Variants in PCDHGA8 observed in about 807,000 individuals in gnomAD.
PCDHGA8 encodes the protein protocadherin gamma subfamily A, 8.
A neutral mutation model predicts 59.2 loss-of-function variants in PCDHGA8; 45 were observed. The ratio of observed to expected loss-of-function variants is 0.76; its 90% confidence interval spans 0.60 to 0.98. PCDHGA8 has a LOEUF of 0.98. Among genes scored for constraint, PCDHGA8 ranks in the 50% least tolerant of loss-of-function variants. PCDHGA8 has a pLI of 0.00. For missense variants in PCDHGA8, 1,257 were observed against 1,196.2 expected (o/e 1.05, Z -0.75); for synonymous variants, 531 against 519.0 (o/e 1.02, Z -0.32).
chr5:141,432,281 A>C lies in PCDHGA8; in HGVS notation c.2424+37044A>C, dbSNP rs1313887209. 1 of 1,614,188 alleles carries C rather than the reference A, an allele frequency of 6.2e-7. No individual in the cohort carries two copies. The highest frequency in any genetic ancestry group is 1.1e-5 in the South Asian group (1 of 91,084). On this transcript the variant is annotated intron_variant, in intron 1 of 3. Coordinates refer to ENST00000398604, the MANE Select transcript of PCDHGA8 (RefSeq NM_032088.2). The surrounding 1 kb of genome is among the most constrained non-coding windows in gnomAD (Gnocchi z 6.0). The stretch of plus-strand genomic sequence containing the variant: ...AAGCCTATCGTCCTACGTGTCCATC[A>C]ACTCCGACACTGGGGTACTGTATGC...
rs1040753474 is a variant in PCDHGA8 at position 141,511,446 on chromosome 5, G to T, written c.*273G>T. 3.1e-6 allele frequency: 2 copies of T among 654,526 alleles called. No individual in the cohort carries two copies. The highest frequency in any genetic ancestry group is 3.7e-5 in the African/African-American group (2 of 54,758). 40.5% of individuals were successfully genotyped at this position (654,526 alleles called of 1,614,324 possible). A position where few individuals can be genotyped will look rare whatever the true frequency, so the allele number is the denominator to read the frequency against. ...GTAGTGGGGTTACTGTAGACACCAA[G>T]AACCATTTGCCACACCCCGTTTAGT... On this transcript the variant is annotated 3_prime_UTR_variant, in exon 4 of 4. Transcript: ENST00000398604.
rs775712620 is a variant in PCDHGA8, at chr5:141,491,341, G to T, written c.2425-3466G>T. 1 of 1,613,982 alleles carries T rather than the reference G, an allele frequency of 6.2e-7. No homozygotes were observed. The highest frequency in any genetic ancestry group is 8.5e-7 in the Non-Finnish European group (1 of 1,180,016). ...TTACCTCATTGTGGCTCTAGCGACC[G>T]TCAGTCTCTTATCCCTAGTCACCTT... On this transcript the variant is annotated intron_variant, in intron 1 of 3. Coordinates refer to ENST00000398604, the MANE Select transcript of PCDHGA8 (RefSeq NM_032088.2). The surrounding 1 kb of genome is among the most constrained non-coding windows in gnomAD (Gnocchi z 6.9).
chr5:141,460,686 C>A (rs2098995566), intron 1 of PCDHGA8, among the ~76,000 whole-genome samples: 1 of 151,698 alleles, frequency 6.6e-6, no homozygotes, highest in Admixed American at 6.6e-5. Context: ...TCTATATATC[C>A]ACCAACAGTT....
In PCDHGA8 at chr5:141,485,520, T is replaced by G. The variant is rs2099615008; in HGVS notation, c.2425-9287T>G. On this transcript the variant is annotated intron_variant, in intron 1 of 3. Transcript: ENST00000398604. This position sits in a 1 kb window ranked among gnomAD's most constrained non-coding sequence, Gnocchi z 5.7. ...TTTGTCACCGAAGGTCCTTTGGAAA[T>G]GTACCGAGCAGAGGTAGAGATCGTA... 1 of 1,614,108 alleles carries G rather than the reference T, an allele frequency of 6.2e-7. No homozygotes were observed. The highest frequency in any genetic ancestry group is 8.5e-7 in the Non-Finnish European group (1 of 1,180,012).
intron 1 of PCDHGA8, chr5:141,409,182 T>C: frequency 6.2e-7 from 1 of 1,614,006 alleles, no homozygotes; most frequent in East Asian, 2.2e-5. Context: ...GGAGGTGGTC[T>C]CTCTACCCAG....
chr5:141,440,572 GT>G (rs1233263525), intron 1 of PCDHGA8: 1 of 152,200 alleles, frequency 6.6e-6, no homozygotes, highest in Non-Finnish European at 1.5e-5. Context: ...GTATCTCTGA[GT>G]TTACCCAGCT....
chr5:141,465,273 G>A (rs949271610), intron 1 of PCDHGA8, among the ~76,000 whole-genome samples: 1 of 152,068 alleles, frequency 6.6e-6, no homozygotes, highest in Non-Finnish European at 1.5e-5. Context: ...TAGCCATTTA[G>A]TTCACCCCTA....
intron 1 of PCDHGA8, among the ~76,000 whole-genome samples, chr5:141,463,618 T>G (rs2099065558): frequency 6.6e-6 from 1 of 151,792 alleles, no homozygotes; most frequent in African/African-American, 2.4e-5. Context: ...CCGGCTAATT[T>G]TTTGTATTTT....
chr5:141,439,012 A>G (rs968054607), intron 1 of PCDHGA8, among the ~76,000 whole-genome samples: 4 of 151,916 alleles, frequency 2.6e-5, no homozygotes, highest in South Asian at 2.1e-4. Context: ...TTTGTTTGTC[A>G]AATTTTGAAA....
At chr5:141,449,251 A>T (rs918418872) in intron 1 of PCDHGA8, among the ~76,000 whole-genome samples, 10 of 152,256 alleles carry the variant, frequency 6.6e-5, no homozygotes, top group Middle Eastern at 3.4e-3. Flanking sequence ...AGTTGCAAGA[A>T]TTGTACAAAG....
At position 141,493,482 on chromosome 5, in the gene PCDHGA8, G is replaced by A. The variant is rs184736387; in HGVS notation, c.2425-1325G>A. ...TTTTAGGACCTTACATGTGGGGAAA[G>A]TCTTCTGTGGCTCCTCATTTCTGAG... On this transcript the variant is annotated intron_variant, in intron 1 of 3. Coordinates refer to ENST00000398604, the MANE Select transcript of PCDHGA8 (RefSeq NM_032088.2). This position sits in a 1 kb window ranked among gnomAD's most constrained non-coding sequence, Gnocchi z 4.3. Among the ~76,000 whole-genome samples the A allele has an allele frequency of 1.5e-3, 229 of 152,324 alleles. No homozygotes were observed. Among genetic ancestry groups the A allele is most frequent in the Non-Finnish European group, 2.2e-3 (147 of 68,030 alleles).
intron 1 of PCDHGA8, chr5:141,419,522 C>T (rs781128524): frequency 1.5e-5 from 24 of 1,612,178 alleles, no homozygotes; most frequent in Non-Finnish European, 1.9e-5. Flanking sequence ...GGTGGGCGAC[C>T]GTAACGACAA....
At chr5:141,499,115 C>T (rs940275925) in intron 2 of PCDHGA8, among the ~76,000 whole-genome samples, 16 of 152,124 alleles carry the variant, frequency 1.1e-4, no homozygotes, top group African/African-American at 3.9e-4. Context: ...CACCACTATC[C>T]CTTCTCAGGT....
chr5:141,418,513 G>A (rs377653202), intron 1 of PCDHGA8: 1 of 1,613,960 alleles, frequency 6.2e-7, no homozygotes, highest in Non-Finnish European at 8.5e-7. Flanking sequence ...TAGATGGTGG[G>A]GACCCTCCCC....
intron 1 of PCDHGA8, among the ~76,000 whole-genome samples, chr5:141,494,399 T>A (rs2099754028): frequency 6.6e-6 from 1 of 152,146 alleles, no homozygotes; most frequent in South Asian, 2.1e-4. Context: ...ATAAATTCAT[T>A]CTAGGGCTGG....
At position 141,477,056 on chromosome 5, in the gene PCDHGA8, G is replaced by T; in HGVS notation, c.2425-17751G>T. 6.2e-7 allele frequency: 1 copy of T among 1,614,242 alleles called. No homozygotes were observed. The highest frequency in any genetic ancestry group is 8.5e-7 in the Non-Finnish European group (1 of 1,180,046). Reference sequence around the variant, plus strand: ...AATCAAGGGTCGGCTGGACTTCGAGGACACCAAACTCCATGAGATTTACAT... The same window carrying T: ...AATCAAGGGTCGGCTGGACTTCGAGTACACCAAACTCCATGAGATTTACAT... On this transcript the variant is annotated intron_variant, in intron 1 of 3. Coordinates refer to ENST00000398604, the MANE Select transcript of PCDHGA8 (RefSeq NM_032088.2). This position sits in a 1 kb window ranked among gnomAD's most constrained non-coding sequence, Gnocchi z 4.9.
intron 1 of PCDHGA8, among the ~76,000 whole-genome samples, chr5:141,458,909 T>G (rs548847649): frequency 6.6e-6 from 1 of 152,192 alleles, no homozygotes; most frequent in African/African-American, 2.4e-5. Context: ...TTTTTTCTAT[T>G]TTTTGTGGAG....
At chr5:141,413,922 A>G (rs769177990) in intron 1 of PCDHGA8, 2 of 1,613,458 alleles carry the variant, frequency 1.2e-6, no homozygotes, top group Non-Finnish European at 1.7e-6. Context: ...TCACCTTGCC[A>G]GAATACCGAG....
In PCDHGA8 at chr5:141,491,359, G is replaced by C. The variant is rs764159829; in HGVS notation, c.2425-3448G>C. 3 of 1,614,154 alleles carry C rather than the reference G, an allele frequency of 1.9e-6. No homozygotes were observed. In the East Asian group the frequency reaches 6.7e-5, roughly 36 times the overall value. On this transcript the variant is annotated intron_variant, in intron 1 of 3. Coordinates refer to ENST00000398604, the MANE Select transcript of PCDHGA8 (RefSeq NM_032088.2). This position sits in a 1 kb window ranked among gnomAD's most constrained non-coding sequence, Gnocchi z 6.9. ...AGCGACCGTCAGTCTCTTATCCCTA[G>C]TCACCTTCACCTTTCTGTCAGCGAA...
Sources: gnomAD v4.1 joint callset for allele counts (sites outside exome capture counted in the v4.1 genomes callset) on GRCh38, gnomAD v4.1.1 for gene constraint, Gnocchi (gnomAD v3.1) non-coding constraint, MANE v1.5 for transcripts, NCBI Gene and HGNC (gene_info 2026-07-23, HGNC 2026-07-21) for gene names.